The following ZCCHC7 variants were observed in gnomAD, a reference collection of about 807,000 sequenced individuals.
ZCCHC7 encodes the protein zinc finger CCHC-type containing 7.
In ZCCHC7, 35 loss-of-function variants were observed where a neutral mutation model predicts 52.0. The observed-to-expected ratio is 0.67, with a 90% CI of 0.51 to 0.89. The LOEUF is 0.89. ZCCHC7 is among the 40% of genes least tolerant of loss of function. The pLI is 0.00. For missense variants in ZCCHC7, 574 were observed against 649.1 expected (o/e 0.88, Z 1.26); for synonymous variants, 217 against 221.5 (o/e 0.98, Z 0.18).
At chr9:37,293,629 C>A (rs1828642320) in intron 2 of ZCCHC7, among the ~76,000 whole-genome samples, 1 of 152,124 alleles carries the variant, frequency 6.6e-6, no homozygotes, top group Admixed American at 6.5e-5. Context: ...GAAAAAACAA[C>A]TTCCATAATC....
intron 2 of ZCCHC7, among the ~76,000 whole-genome samples, chr9:37,138,898 A>G (rs1273205799): frequency 6.6e-6 from 1 of 151,962 alleles, no homozygotes; most frequent in African/African-American, 2.4e-5. Flanking sequence ...TGATTTATAT[A>G]GACAGTATAT....
intron 2 of ZCCHC7, among the ~76,000 whole-genome samples, chr9:37,239,608 C>T (rs999691463): frequency 5.9e-5 from 9 of 152,104 alleles, no homozygotes; most frequent in Admixed American, 1.3e-4. Context: ...TTCTATAAGG[C>T]TAGGCCACCA....
At chr9:37,332,682 G>T (rs1830496716) in intron 6 of ZCCHC7, among the ~76,000 whole-genome samples, 1 of 149,624 alleles carries the variant, frequency 6.7e-6, no homozygotes, top group Non-Finnish European at 1.5e-5. Context: ...ACTTATCATT[G>T]GAAAATGCAA....
intron 2 of ZCCHC7, chr9:37,205,270 C>T: frequency 3.2e-6 from 1 of 311,636 alleles, no homozygotes. Context: ...CCTTTTTGAA[C>T]AGTACCTATT....
chr9:37,271,651 C>T (rs1827417426), intron 2 of ZCCHC7, among the ~76,000 whole-genome samples: 1 of 152,164 alleles, frequency 6.6e-6, no homozygotes, highest in African/African-American at 2.4e-5. Context: ...CTCACTGCAA[C>T]CTCCGCCCTC....
At chr9:37,297,729 A>G (rs951090477) in intron 2 of ZCCHC7, among the ~76,000 whole-genome samples, 1 of 152,224 alleles carries the variant, frequency 6.6e-6, no homozygotes, top group Non-Finnish European at 1.5e-5. Context: ...CTCTGTCTCA[A>G]TAATCTTTGG....
chr9:37,342,086 G>A (rs556101528), intron 6 of ZCCHC7, among the ~76,000 whole-genome samples: 108 of 152,130 alleles, frequency 7.1e-4, no homozygotes, highest in Non-Finnish European at 1.2e-3. Flanking sequence ...GGATAGAAGC[G>A]GAGAGACCAG....
Position 37,126,692 on chromosome 9 carries a change from T to C in ZCCHC7, c.360T>C (p.Ser120=), listed in dbSNP as rs1470316789. 1.2e-6 allele frequency: 2 copies of C among 1,614,152 alleles called. No individual in the cohort carries two copies. The highest frequency in any genetic ancestry group is 2.2e-5 in the South Asian group (2 of 91,084). ...CACAAGAAAATGCCCATGGTCTTTC[T>C]TCTTCTCTTCAATCTAATGAGCTGG... ...VQAQENAHGL[S]SSLQSNELVD... Residue 120 remains serine (S), a synonymous_variant, in exon 2 of 9, where the codon TCT becomes TCC. Transcript: ENST00000336755.
intron 7 of ZCCHC7, among the ~76,000 whole-genome samples, chr9:37,352,509 CTCT>C (rs1821437623): frequency 9.1e-6 from 1 of 110,408 alleles, no homozygotes; most frequent in African/African-American, 4.7e-5. Flanking sequence ...TCACAATTTG[CTCT>C]TTTTTTTTTT....
chr9:37,231,232 C>T (rs997945363), intron 2 of ZCCHC7, among the ~76,000 whole-genome samples: 1 of 152,170 alleles, frequency 6.6e-6, no homozygotes, highest in Non-Finnish European at 1.5e-5. Context: ...AGGCATGAGC[C>T]ACCGCGCCTG....
chr9:37,175,052 C>G (rs540646944), intron 2 of ZCCHC7, among the ~76,000 whole-genome samples: 1 of 150,910 alleles, frequency 6.6e-6, no homozygotes, highest in Non-Finnish European at 1.5e-5. Context: ...ACGAGAATTG[C>G]GTGAACCCGG....
At chr9:37,295,004 A>G (rs1828717057) in intron 2 of ZCCHC7, among the ~76,000 whole-genome samples, 1 of 152,240 alleles carries the variant, frequency 6.6e-6, no homozygotes, top group African/African-American at 2.4e-5. Context: ...TTCAGTAAAT[A>G]TGAATACCTA....
chr9:37,130,304 A>G (rs1038709460), intron 2 of ZCCHC7, among the ~76,000 whole-genome samples: 12 of 143,078 alleles, frequency 8.4e-5, no homozygotes, highest in African/African-American at 2.8e-4. Context: ...GACAGAATAT[A>G]GGAAGCTAAG....
At chr9:37,187,015 T>G (rs998626745) in intron 2 of ZCCHC7, 3 of 220,670 alleles carry the variant, frequency 1.4e-5, no homozygotes, top group Non-Finnish European at 2.7e-5. Flanking sequence ...TCTTCACTGC[T>G]TTTTTCTTTG....
chr9:37,120,559 C>T (rs897346839), upstream of ZCCHC7: 1 of 399,408 alleles, frequency 2.5e-6, no homozygotes, highest in Non-Finnish European at 4.4e-6. Context: ...CATTTGTCCT[C>T]GCCCCTCCCC....
chr9:37,322,272 G>A (rs1830083416), intron 5 of ZCCHC7: 1 of 152,088 alleles, frequency 6.6e-6, no homozygotes, highest in Non-Finnish European at 1.5e-5. Context: ...TGGTTTGAAG[G>A]TAATGAATTA....
At chr9:37,120,741 C>G (rs1431545151) in intron 1 of ZCCHC7, 118 bp downstream of exon 1, 2 of 351,328 alleles carry the variant, frequency 5.7e-6, no homozygotes, top group Non-Finnish European at 1.0e-5. Context: ...CGACGTCTCC[C>G]GTCCGCCCCT....
chr9:37,355,695 T>C (rs1821657522), intron 8 of ZCCHC7, among the ~76,000 whole-genome samples: 1 of 152,216 alleles, frequency 6.6e-6, no homozygotes, highest in Non-Finnish European at 1.5e-5. Context: ...CTGCAGAACC[T>C]GATTATAGGA....
intron 2 of ZCCHC7, among the ~76,000 whole-genome samples, chr9:37,229,612 G>C (rs1270701001): frequency 6.6e-6 from 1 of 152,196 alleles, no homozygotes; most frequent in Non-Finnish European, 1.5e-5. Context: ...TACTTGTATA[G>C]AGCACTTACT....
Sources: allele counts gnomAD v4.1 joint callset (sites outside exome capture counted in the v4.1 genomes callset), GRCh38; gene constraint gnomAD v4.1.1; transcripts MANE v1.5; gene names NCBI Gene and HGNC (gene_info 2026-07-23, HGNC 2026-07-21).